CCDC192: variants seen among roughly 807,000 people sequenced by gnomAD.
The protein encoded by CCDC192 is coiled-coil domain containing 192.
chr5:127,786,599 G>T, intron 3 of CCDC192: 1 of 735,140 alleles, frequency 1.4e-6, no homozygotes. Flanking sequence ...TTCGTCCTTT[G>T]TCACATTCAC....
chr5:127,825,033 T>A (rs1749462594), intron 5 of CCDC192, among the ~76,000 whole-genome samples: 1 of 152,198 alleles, frequency 6.6e-6, no homozygotes, highest in African/African-American at 2.4e-5. Flanking sequence ...AATAGCGCTG[T>A]CAAACATTTT....
rs893477965 is a variant in CCDC192, at chr5:127,850,795, A to T, written c.412-24743A>T. Among the ~76,000 whole-genome samples the T allele has an allele frequency of 2.0e-5, 3 of 152,080 alleles. No homozygotes were observed. In the East Asian group the frequency reaches 5.8e-4, roughly 29 times the overall value. ...AGCTTGGCCAACATGGTGAAACCCTATATCTACTAAAAATACAAAAATTAG... is the reference window on the plus strand; with the variant it reads ...AGCTTGGCCAACATGGTGAAACCCTTTATCTACTAAAAATACAAAAATTAG... On this transcript the variant is annotated intron_variant, in intron 5 of 6. Coordinates refer to ENST00000514853, the MANE Select transcript of CCDC192 (RefSeq NM_001317938.2).
intron 3 of CCDC192, among the ~76,000 whole-genome samples, chr5:127,788,690 GTA>G (rs1415430834): frequency 6.6e-6 from 1 of 152,130 alleles, no homozygotes; most frequent in Non-Finnish European, 1.5e-5. Flanking sequence ...CTCCTAGAAT[GTA>G]TATGTTAGTA....
chr5:127,885,275 G>C (rs113455223), intron 6 of CCDC192, among the ~76,000 whole-genome samples: 47 of 152,314 alleles, frequency 3.1e-4, no homozygotes, highest in African/African-American at 1.1e-3. Flanking sequence ...TGAAGGGCAT[G>C]TACTGCTTGG....
intron 3 of CCDC192, among the ~76,000 whole-genome samples, chr5:127,772,466 C>CAAAAAAAA (rs34089281): frequency 1.5e-5 from 1 of 67,744 alleles, no homozygotes; most frequent in African/African-American, 5.5e-5. Context: ...GACTCTGTCA[C>CAAAAAAAA]AAAAAAAAAA....
intron 5 of CCDC192, among the ~76,000 whole-genome samples, chr5:127,840,717 T>G (rs1386709819): frequency 6.6e-6 from 1 of 152,206 alleles, no homozygotes; most frequent in Admixed American, 6.5e-5. Flanking sequence ...TGTAAAATAT[T>G]CATCATTATC....
intron 5 of CCDC192, among the ~76,000 whole-genome samples, chr5:127,821,566 C>T (rs185254321): frequency 1.5e-4 from 23 of 152,268 alleles, no homozygotes; most frequent in Non-Finnish European, 2.8e-4. Flanking sequence ...GAACTTTATG[C>T]GCTTGTCTCC....
intron 6 of CCDC192, among the ~76,000 whole-genome samples, chr5:127,912,419 C>CAAAAAAAAAAAAAAAAAAAAA (rs60854127): frequency 1.2e-5 from 1 of 81,452 alleles, no homozygotes; most frequent in Non-Finnish European, 2.2e-5. Context: ...CTGGGTTTAG[C>CAAAAAAAAAAAAAAAAAAAAA]AAAAAAAAAA....
chr5:127,889,781 G>A (rs912670657), intron 6 of CCDC192, among the ~76,000 whole-genome samples: 1 of 152,148 alleles, frequency 6.6e-6, no homozygotes, highest in African/African-American at 2.4e-5. Context: ...GTATTGGCAT[G>A]CCTATCCCTT....
intron 6 of CCDC192, among the ~76,000 whole-genome samples, chr5:127,922,290 T>C (rs1753745040): frequency 6.6e-6 from 1 of 152,242 alleles, no homozygotes; most frequent in Non-Finnish European, 1.5e-5. Context: ...ATTAAAACTC[T>C]TACTAAGAAA....
At chr5:127,938,051 C>G (rs1754233761) in intron 6 of CCDC192, among the ~76,000 whole-genome samples, 1 of 152,100 alleles carries the variant, frequency 6.6e-6, no homozygotes, top group Non-Finnish European at 1.5e-5. Flanking sequence ...TTCACTGCTC[C>G]TCTCCTCAGC....
intron 5 of CCDC192, among the ~76,000 whole-genome samples, chr5:127,860,503 TC>T (rs918829126): frequency 6.6e-6 from 1 of 152,156 alleles, no homozygotes; most frequent in Non-Finnish European, 1.5e-5. Flanking sequence ...CACTTGACAT[TC>T]CCAGGTTAAA....
At chr5:127,937,042 C>A (rs1754206056) in intron 6 of CCDC192, among the ~76,000 whole-genome samples, 1 of 152,180 alleles carries the variant, frequency 6.6e-6, no homozygotes, top group African/African-American at 2.4e-5. Flanking sequence ...TTGAAGTCCC[C>A]CACTTTGCTA....
chr5:127,817,026 G>T (rs964013901), intron 5 of CCDC192, among the ~76,000 whole-genome samples: 8 of 152,200 alleles, frequency 5.3e-5, no homozygotes, highest in African/African-American at 1.9e-4. Context: ...AGGTGATAAT[G>T]TGATATTATT....
At chr5:127,798,851 C>T (rs1412779658) in intron 5 of CCDC192, among the ~76,000 whole-genome samples, 1 of 151,920 alleles carries the variant, frequency 6.6e-6, no homozygotes, top group African/African-American at 2.4e-5. Flanking sequence ...CTGAGAGAGA[C>T]CCCATGAATT....
At chr5:127,922,804 C>T (rs1753758374) in intron 6 of CCDC192, among the ~76,000 whole-genome samples, 1 of 152,226 alleles carries the variant, frequency 6.6e-6, no homozygotes, top group Non-Finnish European at 1.5e-5. Flanking sequence ...GCATAGCTCA[C>T]TCACTTATTC....
At chr5:127,878,870 C>T (rs1282244574) in intron 6 of CCDC192, among the ~76,000 whole-genome samples, 2 of 148,736 alleles carry the variant, frequency 1.3e-5, no homozygotes, top group Non-Finnish European at 3.0e-5. Flanking sequence ...TTTGTATCCT[C>T]TTTTATTTCC....
intron 6 of CCDC192, among the ~76,000 whole-genome samples, chr5:127,886,426 G>A (rs781188817): frequency 5.9e-5 from 9 of 152,094 alleles, no homozygotes; most frequent in Non-Finnish European, 1.3e-4. Flanking sequence ...CATTGTGCTG[G>A]TCCACTTATA....
chr5:127,771,032 A>G (rs1049003182), intron 3 of CCDC192, among the ~76,000 whole-genome samples: 16 of 152,174 alleles, frequency 1.1e-4, no homozygotes, highest in Non-Finnish European at 2.1e-4. Context: ...GGTTCTTTCA[A>G]TTATATTATC....
Sources: gnomAD v4.1 joint callset for allele counts (sites outside exome capture counted in the v4.1 genomes callset) on GRCh38, gnomAD v4.1.1 for gene constraint, MANE v1.5 for transcripts, NCBI Gene and HGNC (gene_info 2026-07-23, HGNC 2026-07-21) for gene names.